The following LRMDA variants were observed in gnomAD, a reference collection of about 807,000 sequenced individuals.
LRMDA encodes the protein leucine rich melanocyte differentiation associated, also known as leucine-rich melanocyte differentiation-associated protein.
LRMDA carries 18 observed loss-of-function variants against 29.8 expected under a neutral mutation model. The observed-to-expected ratio is 0.60, with a 90% confidence interval of 0.42 to 0.90. LRMDA has a LOEUF of 0.90. Ranked by LOEUF, LRMDA falls within the 40% of genes least tolerant of loss-of-function variation. The probability of loss-of-function intolerance (pLI) is 0.00; values close to 1 mark genes in which losing one functional copy is unlikely to be tolerated. For missense variants in LRMDA, 273 were observed against 273.9 expected, an observed-to-expected ratio of 1.00 and a Z score of 0.02; for synonymous variants, 125 against 109.4, an observed-to-expected ratio of 1.14 and a Z score of -0.89.
At chr10:76,178,598 G>A (rs926286795) in intron 5 of LRMDA, among the ~76,000 whole-genome samples, 1 of 152,186 alleles carries the variant, frequency 6.6e-6, no homozygotes, top group Non-Finnish European at 1.5e-5. Context: ...CTCAGTTGGG[G>A]TGAGGAATAG....
intron 6 of LRMDA, among the ~76,000 whole-genome samples, chr10:76,529,161 C>T (rs1439579519): frequency 6.6e-6 from 1 of 152,094 alleles, no homozygotes; most frequent in Admixed American, 6.6e-5. Context: ...TTTGCCATTC[C>T]AAGCCTCTGT....
At chr10:76,154,232 A>G (rs1030314765) in intron 5 of LRMDA, among the ~76,000 whole-genome samples, 20 of 152,192 alleles carry the variant, frequency 1.3e-4, no homozygotes, top group Non-Finnish European at 2.6e-4. Context: ...ATACTTATGT[A>G]TCAGAGAACA....
chr10:75,874,580 G>A (rs2181443), intron 2 of LRMDA, among the ~76,000 whole-genome samples: 94,470 of 152,018 alleles, frequency 0.62, 30,969 homozygotes, highest in Middle Eastern at 0.78. Context: ...GAGGCCCAAG[G>A]ATTTTAGGGA....
intron 5 of LRMDA, among the ~76,000 whole-genome samples, chr10:76,196,148 C>T (rs1159221326): frequency 1.3e-5 from 2 of 152,216 alleles, no homozygotes; most frequent in African/African-American, 4.8e-5. Context: ...AGTAACTGCA[C>T]AGCTCTGTCT....
chr10:75,502,291 C>G (rs891110044), intron 2 of LRMDA, among the ~76,000 whole-genome samples: 2 of 152,184 alleles, frequency 1.3e-5, no homozygotes, highest in African/African-American at 4.8e-5. Flanking sequence ...AGGGGTGAGC[C>G]CTGTGGCTTC....
intron 2 of LRMDA, among the ~76,000 whole-genome samples, chr10:75,651,681 G>A (rs184261436): frequency 6.6e-6 from 1 of 152,298 alleles, no homozygotes; most frequent in Non-Finnish European, 1.5e-5. Flanking sequence ...GCTGTTAACA[G>A]CACCTCCCGG....
intron 2 of LRMDA, among the ~76,000 whole-genome samples, chr10:75,892,681 C>T (rs140900529): frequency 1.5e-3 from 234 of 152,252 alleles, no homozygotes; most frequent in African/African-American, 4.8e-3. Flanking sequence ...CAAAGTTCTG[C>T]CTCTGGCACC....
chr10:75,799,680 TTGTGTGTGTGTGTGTGTG>T (rs57575125), intron 2 of LRMDA, among the ~76,000 whole-genome samples: 15 of 136,124 alleles, frequency 1.1e-4, no homozygotes, highest in African/African-American at 3.9e-4. Flanking sequence ...ATTCCTAGCT[TTGTGTGTGTGTGTGTGTG>T]TGTGTGTGTG....
At chr10:75,955,114 T>A (rs1272721923) in intron 2 of LRMDA, among the ~76,000 whole-genome samples, 1 of 152,226 alleles carries the variant, frequency 6.6e-6, no homozygotes, top group Non-Finnish European at 1.5e-5. Context: ...TAATTTTAAA[T>A]AAAACATTTT....
intron 2 of LRMDA, among the ~76,000 whole-genome samples, chr10:75,803,878 T>C (rs1843799291): frequency 6.6e-6 from 1 of 152,214 alleles, no homozygotes; most frequent in South Asian, 2.1e-4. Context: ...CTCTTTCCCC[T>C]GCAGCACAAT....
chr10:76,476,957 A>C (rs1842680264), intron 6 of LRMDA, among the ~76,000 whole-genome samples: 1 of 152,170 alleles, frequency 6.6e-6, no homozygotes, highest in Non-Finnish European at 1.5e-5. Context: ...CTGAATGGGC[A>C]AAAACTGGAA....
intron 6 of LRMDA, among the ~76,000 whole-genome samples, chr10:76,327,647 A>G (rs753716280): frequency 6.6e-6 from 1 of 152,174 alleles, no homozygotes; most frequent in African/African-American, 2.4e-5. Flanking sequence ...TTGTTCAGTA[A>G]AGGCTGAGTA....
At chr10:75,806,420 A>G (rs544086732) in intron 2 of LRMDA, among the ~76,000 whole-genome samples, 5 of 152,310 alleles carry the variant, frequency 3.3e-5, no homozygotes, top group South Asian at 4.1e-4. Context: ...GAAATTGTCA[A>G]TGATTCTGGG....
chr10:76,148,153 G>A (rs1342051525), intron 5 of LRMDA, among the ~76,000 whole-genome samples: 2 of 152,206 alleles, frequency 1.3e-5, no homozygotes, highest in Non-Finnish European at 2.9e-5. Flanking sequence ...TGAGGAGGCA[G>A]TCTGTCTGTT....
chr10:75,522,142 A>G (rs1358574168), intron 2 of LRMDA, among the ~76,000 whole-genome samples: 3 of 152,216 alleles, frequency 2.0e-5, no homozygotes, highest in African/African-American at 7.2e-5. Flanking sequence ...GCGCTGTTCT[A>G]TGCCCTTCAC....
intron 2 of LRMDA, among the ~76,000 whole-genome samples, chr10:75,785,225 T>C (rs1307016876): frequency 6.6e-6 from 1 of 152,220 alleles, no homozygotes; most frequent in Non-Finnish European, 1.5e-5. Flanking sequence ...TCCTTTCCTG[T>C]CTTCTGAATT....
intron 2 of LRMDA, among the ~76,000 whole-genome samples, chr10:75,661,445 T>C (rs1016069179): frequency 6.6e-6 from 1 of 152,190 alleles, no homozygotes; most frequent in Non-Finnish European, 1.5e-5. Context: ...TGGCTGGGAC[T>C]TGAGAATCTA....
chr10:76,208,268 G>A (rs1360788815), intron 5 of LRMDA, among the ~76,000 whole-genome samples: 1 of 152,150 alleles, frequency 6.6e-6, no homozygotes, highest in Admixed American at 6.5e-5. Context: ...AATTATATGA[G>A]AGCAGGCCAA....
intron 5 of LRMDA, among the ~76,000 whole-genome samples, chr10:76,245,071 A>T (rs945779611): frequency 2.6e-5 from 4 of 152,208 alleles, no homozygotes; most frequent in African/African-American, 9.6e-5. Flanking sequence ...AGTGATCCCC[A>T]TGAGGTCAGT....
Sources: gnomAD v4.1 joint callset for allele counts (sites outside exome capture counted in the v4.1 genomes callset) on GRCh38, gnomAD v4.1.1 for gene constraint, MANE v1.5 for transcripts, NCBI Gene and HGNC (gene_info 2026-07-23, HGNC 2026-07-21) for gene names.